TAS2R1: variants seen among roughly 807,000 people sequenced by gnomAD.
The protein encoded by TAS2R1 is taste 2 receptor member 1.
For missense variants in TAS2R1, 370 were observed against 353.4 expected (o/e 1.05, Z -0.38); for synonymous variants, 141 against 134.2 (o/e 1.05, Z -0.35).
the TAS2R1 span, among the ~76,000 whole-genome samples, chr5:9,880,380 C>T: frequency 6.6e-6 from 1 of 152,122 alleles, no homozygotes; most frequent in Non-Finnish European, 1.5e-5. Context: ...CCTGAGGCTT[C>T]CTAGGAGAAT....
At chr5:9,871,470 T>C in the TAS2R1 span, among the ~76,000 whole-genome samples, 1 of 152,172 alleles carries the variant, frequency 6.6e-6, no homozygotes, top group Non-Finnish European at 1.5e-5. Context: ...CAGTGTCCAC[T>C]CTGTCTGATC....
At chr5:9,841,794 C>A in the TAS2R1 span, among the ~76,000 whole-genome samples, 2 of 152,266 alleles carry the variant, frequency 1.3e-5, no homozygotes, top group South Asian at 2.1e-4. Flanking sequence ...AGAGAGCAAG[C>A]TTTCTTAGTG....
At chr5:9,749,863 T>C in the TAS2R1 span, among the ~76,000 whole-genome samples, 2 of 152,188 alleles carry the variant, frequency 1.3e-5, no homozygotes, top group Non-Finnish European at 2.9e-5. Context: ...CTCAGCCTCC[T>C]AGGCTGCTGT....
chr5:9,682,898 C>T (rs1250939324), intron 1 of TAS2R1, among the ~76,000 whole-genome samples: 2 of 152,154 alleles, frequency 1.3e-5, no homozygotes, highest in South Asian at 4.1e-4. Context: ...CAACTTCTTC[C>T]TCTATTGACT....
At chr5:9,896,062 G>C in the TAS2R1 span, among the ~76,000 whole-genome samples, 1 of 152,174 alleles carries the variant, frequency 6.6e-6, no homozygotes, top group African/African-American at 2.4e-5. Flanking sequence ...ATGGGTATTG[G>C]TGAAAATATT....
intron 2 of TAS2R1, among the ~76,000 whole-genome samples, chr5:9,653,758 T>C (rs1328808111): frequency 6.6e-6 from 1 of 152,210 alleles, no homozygotes; most frequent in Non-Finnish European, 1.5e-5. Flanking sequence ...TATCACTTAC[T>C]GTCATAGATT....
At chr5:9,740,804 C>G in the TAS2R1 span, among the ~76,000 whole-genome samples, 3 of 152,126 alleles carry the variant, frequency 2.0e-5, no homozygotes, top group African/African-American at 7.2e-5. Context: ...CCTTCTCTTC[C>G]GATTATGAAA....
the TAS2R1 span, among the ~76,000 whole-genome samples, chr5:9,900,667 C>T: frequency 7.0e-6 from 1 of 142,962 alleles, no homozygotes; most frequent in Admixed American, 7.4e-5. Flanking sequence ...GTCGCCCAGG[C>T]TGGAGTGCAG....
chr5:9,891,408 T>G, the TAS2R1 span, among the ~76,000 whole-genome samples: 1 of 152,266 alleles, frequency 6.6e-6, no homozygotes, highest in Non-Finnish European at 1.5e-5. Flanking sequence ...TAGTGAATTA[T>G]TAAATACTTT....
At chr5:9,778,553 C>T in the TAS2R1 span, among the ~76,000 whole-genome samples, 1 of 152,228 alleles carries the variant, frequency 6.6e-6, no homozygotes, top group Non-Finnish European at 1.5e-5. Context: ...CATTGACAAT[C>T]GATTATTTAG....
the TAS2R1 span, among the ~76,000 whole-genome samples, chr5:9,895,616 G>A: frequency 1.1e-3 from 166 of 152,226 alleles, no homozygotes; most frequent in Non-Finnish European, 1.5e-3. Context: ...CTCTAGAAGC[G>A]GACAATAACC....
the TAS2R1 span, among the ~76,000 whole-genome samples, chr5:9,841,657 C>T: frequency 6.6e-6 from 1 of 152,212 alleles, no homozygotes; most frequent in Non-Finnish European, 1.5e-5. Context: ...GGATCCTTAG[C>T]ATCCCTTTCT....
intron 2 of TAS2R1, among the ~76,000 whole-genome samples, chr5:9,646,999 T>C (rs1291305686): frequency 6.6e-6 from 1 of 152,152 alleles, no homozygotes; most frequent in African/African-American, 2.4e-5. Context: ...TATTATTCCA[T>C]CTACCCATAT....
chr5:9,861,040 T>TTTTTTTTG, the TAS2R1 span, among the ~76,000 whole-genome samples: 4 of 148,784 alleles, frequency 2.7e-5, no homozygotes, highest in African/African-American at 7.4e-5. Context: ...AGATGAGGTT[T>TTTTTTTTG]TTTTTTTTTT....
At chr5:9,716,218 T>C (rs1009309018), upstream of TAS2R1, among the ~76,000 whole-genome samples, 9 of 152,124 alleles carry the variant, frequency 5.9e-5, no homozygotes, top group African/African-American at 2.2e-4. Context: ...GGGAAGTCTG[T>C]GCCATTTTGC....
chr5:9,865,922 T>G, the TAS2R1 span, among the ~76,000 whole-genome samples: 4 of 152,240 alleles, frequency 2.6e-5, no homozygotes, highest in Admixed American at 2.0e-4. Flanking sequence ...GCCATGATTT[T>G]GAGTCTTAAT....
At position 9,703,547 on chromosome 5, in the gene TAS2R1, T is replaced by C. The variant is rs141913681; in HGVS notation, c.-242+8625A>G. ...TACCTGCACAGGGGCTCCAACAACA[T>C]ATACACAAAGCACCCCTGATCAGCA... On this transcript the variant is annotated intron_variant, in intron 1 of 2. Coordinates refer to the TAS2R1 transcript ENST00000506620. Among the ~76,000 whole-genome samples, 73 of 152,114 alleles carry C rather than the reference T, an allele frequency of 4.8e-4. 1 individual carries two copies. Among genetic ancestry groups the C allele is most frequent in the African/African-American group, 1.7e-3 (69 of 41,510 alleles).
the TAS2R1 span, among the ~76,000 whole-genome samples, chr5:9,795,919 A>C: frequency 1.3e-5 from 2 of 152,178 alleles, no homozygotes; most frequent in Non-Finnish European, 2.9e-5. Flanking sequence ...AAGGGTCCAG[A>C]AAAGTGAAGC....
intron 2 of TAS2R1, among the ~76,000 whole-genome samples, chr5:9,647,616 T>C (rs1216013543): frequency 6.6e-6 from 1 of 152,184 alleles, no homozygotes; most frequent in Admixed American, 6.5e-5. Context: ...ATATTTTAAA[T>C]TACAATAGTA....
Sources: gnomAD v4.1 joint callset for allele counts (sites outside exome capture counted in the v4.1 genomes callset) on GRCh38, gnomAD v4.1.1 for gene constraint, MANE v1.5 for transcripts, NCBI Gene and HGNC (gene_info 2026-07-23, HGNC 2026-07-21) for gene names.